Variants in WWOX observed in about 807,000 individuals in gnomAD.
WWOX encodes WW domain containing oxidoreductase.
In WWOX, 69 loss-of-function variants were observed where a neutral mutation model predicts 46.2. That is an observed-to-expected ratio of 1.49 (90% CI 1.23 to 1.82). The LOEUF (loss-of-function observed/expected upper bound fraction) is 1.82. Ranked by LOEUF, WWOX falls within the 40% of genes most tolerant of loss-of-function variation. The pLI, the probability that WWOX is intolerant of heterozygous loss-of-function variation, is 0.00. For synonymous variants in WWOX, 359 were observed against 202.6 expected (o/e 1.77, Z -6.56); for missense variants, 919 against 542.6 (o/e 1.69, Z -6.89).
At chr16:78,335,554 T>C (rs1467789671) in intron 5 of WWOX, among the ~76,000 whole-genome samples, 1 of 152,188 alleles carries the variant, frequency 6.6e-6, no homozygotes, top group Non-Finnish European at 1.5e-5. Flanking sequence ...TCCGTGTCCT[T>C]GCTATTGTGA....
intron 8 of WWOX, among the ~76,000 whole-genome samples, chr16:78,769,330 TTC>T (rs1205787831): frequency 2.0e-5 from 3 of 152,096 alleles, no homozygotes; most frequent in South Asian, 2.1e-4. Flanking sequence ...CCTCCATCCT[TTC>T]TCTTTTTCAC....
At chr16:78,448,113 T>G (rs559526969) in intron 8 of WWOX, among the ~76,000 whole-genome samples, 1 of 152,278 alleles carries the variant, frequency 6.6e-6, no homozygotes, top group South Asian at 2.1e-4. Context: ...CTAGAAACTA[T>G]TATTAATAGA....
chr16:79,103,903 G>C (rs897282991), intron 8 of WWOX, among the ~76,000 whole-genome samples: 2 of 151,998 alleles, frequency 1.3e-5, no homozygotes, highest in African/African-American at 4.8e-5. Flanking sequence ...CTGTCCTTCA[G>C]GCAAAGAGCT....
In WWOX at chr16:78,427,499, C is replaced by T. The variant is rs574719391; in HGVS notation, c.791+2444C>T. Reference sequence around the variant, plus strand: ...GCAGCTGCATGGAGTGCCAAATTGCCCTCCCCCACCCCACACACAAAATCA... The same window carrying T: ...GCAGCTGCATGGAGTGCCAAATTGCTCTCCCCCACCCCACACACAAAATCA... On this transcript the variant is annotated intron_variant, in intron 7 of 8. Coordinates refer to ENST00000566780, the MANE Select transcript of WWOX (RefSeq NM_016373.4). Among the ~76,000 whole-genome samples, 7 of 152,114 alleles carry T rather than the reference C, an allele frequency of 4.6e-5. No homozygotes were observed. The East Asian group carries it at 1.2e-3, about 25-fold the overall frequency.
intron 4 of WWOX, among the ~76,000 whole-genome samples, chr16:78,144,633 T>G (rs2034137003): frequency 1.3e-5 from 2 of 148,678 alleles, no homozygotes; most frequent in Non-Finnish European, 3.0e-5. Flanking sequence ...GCAATTCTCC[T>G]GCCTCAGCCT....
At chr16:78,803,110 T>A (rs1393041318) in intron 8 of WWOX, among the ~76,000 whole-genome samples, 1 of 151,618 alleles carries the variant, frequency 6.6e-6, no homozygotes, top group Non-Finnish European at 1.5e-5. Flanking sequence ...TAGTTTAATA[T>A]CAATTATATA....
At chr16:78,637,794 C>A (rs896376097) in intron 8 of WWOX, among the ~76,000 whole-genome samples, 1 of 152,236 alleles carries the variant, frequency 6.6e-6, no homozygotes, top group South Asian at 2.1e-4. Context: ...GGACCTAGGG[C>A]CTGGGTAACA....
At chr16:78,751,934 T>G (rs189245969) in intron 8 of WWOX, among the ~76,000 whole-genome samples, 3 of 152,258 alleles carry the variant, frequency 2.0e-5, no homozygotes, top group African/African-American at 7.2e-5. Flanking sequence ...CCCAACTGTG[T>G]CTTTCTTCTG....
intron 5 of WWOX, among the ~76,000 whole-genome samples, chr16:78,323,715 A>T (rs1036871484): frequency 1.3e-5 from 2 of 152,146 alleles, no homozygotes; most frequent in African/African-American, 4.8e-5. Context: ...TCAGGAAAAC[A>T]TGTTTCTATT....
chr16:78,539,193 A>G (rs2043828677), intron 8 of WWOX, among the ~76,000 whole-genome samples: 1 of 152,222 alleles, frequency 6.6e-6, no homozygotes. Flanking sequence ...ACACATAGTA[A>G]TTGCTCAATA....
At chr16:78,505,750 C>G (rs888713881) in intron 8 of WWOX, among the ~76,000 whole-genome samples, 9 of 152,156 alleles carry the variant, frequency 5.9e-5, no homozygotes, top group Admixed American at 4.6e-4. Flanking sequence ...GGAAGAAACC[C>G]CAAGCATTTG....
chr16:78,825,912 C>T (rs1420075839), intron 8 of WWOX: 1 of 716,394 alleles, frequency 1.4e-6, no homozygotes, highest in Non-Finnish European at 2.4e-6. Flanking sequence ...ATCATGGAAC[C>T]CAAAGATGAG....
At chr16:78,249,080 C>T (rs952734477) in intron 5 of WWOX, among the ~76,000 whole-genome samples, 4 of 152,128 alleles carry the variant, frequency 2.6e-5, no homozygotes, top group East Asian at 1.9e-4. Context: ...GTCTTGATCT[C>T]CTGACCTTGT....
In WWOX at chr16:78,689,345, C is replaced by G. The variant is rs556020749; in HGVS notation, c.1056+256593C>G. Among the ~76,000 whole-genome samples, 7 of 152,318 alleles carry G rather than the reference C, an allele frequency of 4.6e-5. No homozygotes were observed. The South Asian group carries it at 1.5e-3, about 32-fold the overall frequency. ...TCCTGCTCATGCTCTCTAAACACCC[C>G]AGACATCATATCTCTTTAAGAAACT... On this transcript the variant is annotated intron_variant, in intron 8 of 8. Transcript: ENST00000566780.
chr16:79,124,888 C>A (rs966285347), intron 8 of WWOX, among the ~76,000 whole-genome samples: 1 of 152,136 alleles, frequency 6.6e-6, no homozygotes, highest in Non-Finnish European at 1.5e-5. Flanking sequence ...CAGACCCTTA[C>A]ATATTTTAAT....
chr16:79,097,988 A>G (rs950740240), intron 8 of WWOX, among the ~76,000 whole-genome samples: 12 of 152,140 alleles, frequency 7.9e-5, no homozygotes, highest in Admixed American at 6.5e-4. Flanking sequence ...CTTTAAAACC[A>G]TATCCCAGTG....
intron 8 of WWOX, among the ~76,000 whole-genome samples, chr16:78,692,136 G>T (rs548716446): frequency 2.0e-5 from 3 of 152,116 alleles, no homozygotes; most frequent in Admixed American, 1.3e-4. Flanking sequence ...TATCAGCAGC[G>T]TGAAAACGGA....
chr16:78,462,416 C>G (rs147320388), intron 8 of WWOX, among the ~76,000 whole-genome samples: 7 of 152,098 alleles, frequency 4.6e-5, no homozygotes, highest in African/African-American at 1.2e-4. Flanking sequence ...ATCCTGTTGT[C>G]GCTAATTTGC....
chr16:78,975,118 C>A (rs1456178958), intron 8 of WWOX, among the ~76,000 whole-genome samples: 1 of 152,114 alleles, frequency 6.6e-6, no homozygotes, highest in Non-Finnish European at 1.5e-5. Flanking sequence ...AATTGATTGC[C>A]ACCAATAAAA....
Sources: gnomAD v4.1 joint callset for allele counts (sites outside exome capture counted in the v4.1 genomes callset) on GRCh38, gnomAD v4.1.1 for gene constraint, MANE v1.5 for transcripts, NCBI Gene and HGNC (gene_info 2026-07-23, HGNC 2026-07-21) for gene names.